ANKRA2: variants seen among roughly 807,000 people sequenced by gnomAD.
ANKRA2 encodes ankyrin repeat family A member 2, also known as ankyrin repeat family A protein 2.
A neutral mutation model predicts 37.8 loss-of-function variants in ANKRA2; 33 were observed. The observed-to-expected ratio is 0.87, with a 90% confidence interval of 0.66 to 1.17. The LOEUF (loss-of-function observed/expected upper bound fraction) is 1.17, where lower values mean the gene tolerates loss of function less well. Ranked by LOEUF, ANKRA2 falls within the 50% of genes most tolerant of loss-of-function variation. The pLI is 0.00. For missense variants in ANKRA2, 326 were observed against 373.7 expected (o/e 0.87, Z 1.05); for synonymous variants, 126 against 132.3 (o/e 0.95, Z 0.33).
In ANKRA2 at chr5:73,561,281, G is replaced by C. The variant is rs941117290; in HGVS notation, c.297C>G (p.Cys99Trp). Reference sequence around the variant, plus strand: ...CCGGAGAAGGAGATGTATGGATATTGCATTCAGCTAAGTGAAAAACAAATG... The same window carrying C: ...CCGGAGAAGGAGATGTATGGATATTCCATTCAGCTAAGTGAAAAACAAATG... ...EVASVLFKAE[C>W]NIHTSPSPGI... The change falls in exon 3 of 9, where the codon TGC becomes TGG. Residue 99 changes from cysteine (C) to tryptophan (W), a missense_variant. Cys to Trp is a radical substitution (Grantham distance 215). This residue lies in a region of ANKRA2 where 228 missense variants were observed against 260.2 expected (regional missense o/e 0.88). Coordinates refer to ENST00000296785, the MANE Select transcript of ANKRA2 (RefSeq NM_023039.5). The C allele has an allele frequency of 1.4e-5, 22 of 1,612,162 alleles. No homozygotes were observed. The highest frequency in any genetic ancestry group is 6.7e-5 in the Admixed American group (4 of 59,726).
At chr5:73,557,348 CTT>C in intron 4 of ANKRA2, 1 of 307,040 alleles carries the variant, frequency 3.3e-6, no homozygotes. Flanking sequence ...ATGTAAGAAA[CTT>C]ATAACGTTTG....
rs921816588 is a variant in ANKRA2 at position 73,561,071 on chromosome 5, T to G, written c.448+59A>C. On this transcript the variant is annotated intron_variant, in intron 3 of 8. Coordinates refer to ENST00000296785, the MANE Select transcript of ANKRA2 (RefSeq NM_023039.5). ...CATTTAATGAAATAATGTTTTAAAG[T>G]CAAACTCTTGAAAGTATTACATTAA... 39 of 1,481,868 alleles carry G rather than the reference T, an allele frequency of 2.6e-5. No homozygotes were observed. The African/African-American group carries it at 5.5e-4, about 21-fold the overall frequency. The allele number at this position is 1,481,868 out of a possible 1,614,324, so 91.8% of individuals were successfully genotyped here.
At chr5:73,561,061 T>C (rs2112020193) in intron 3 of ANKRA2, 69 bp downstream of exon 3, 2 of 1,414,264 alleles carry the variant, frequency 1.4e-6, no homozygotes, top group South Asian at 1.3e-5. Context: ...AATGAAATAA[T>C]GTTTTAAAGT....
intron 2 of ANKRA2, among the ~76,000 whole-genome samples, chr5:73,562,189 G>C (rs1007944557): frequency 6.6e-6 from 1 of 151,832 alleles, no homozygotes; most frequent in Non-Finnish European, 1.5e-5. Context: ...GCTAATTTTT[G>C]TATTTTTAGT....
In ANKRA2 at chr5:73,552,779, AT is replaced by A; in HGVS notation, c.*17del. The A allele has an allele frequency of 6.3e-7, 1 of 1,589,546 alleles. No individual in the cohort carries two copies. The highest frequency in any genetic ancestry group is 8.6e-7 in the Non-Finnish European group (1 of 1,160,692). ...CCAAGAAGTAAACAAAAGGGCAGAC[AT>A]TTTCTGATGACTGTGTCTACTCCTT... On this transcript the variant is annotated 3_prime_UTR_variant, in exon 9 of 9. Transcript: ENST00000296785.
intron 7 of ANKRA2, among the ~76,000 whole-genome samples, chr5:73,554,073 T>C (rs1447562216): frequency 3.3e-5 from 5 of 152,164 alleles, no homozygotes; most frequent in Non-Finnish European, 2.9e-5. Flanking sequence ...CCTGGCCACA[T>C]AGTGGATTCA....
At position 73,554,184 on chromosome 5, in the gene ANKRA2, T is replaced by C. The variant is rs1580375759; in HGVS notation, c.805+138A>G. 1.2e-5 allele frequency: 9 copies of C among 762,478 alleles called. No homozygotes were observed. In the South Asian group the frequency reaches 1.3e-4, roughly 11 times the overall value. 47.2% of individuals were successfully genotyped at this position (762,478 alleles called of 1,614,324 possible). A position where few individuals can be genotyped will look rare whatever the true frequency, so the allele number is the denominator to read the frequency against. On this transcript the variant is annotated intron_variant, in intron 7 of 8. Coordinates refer to ENST00000296785, the MANE Select transcript of ANKRA2 (RefSeq NM_023039.5). ...CACATGGGCAACTTTTGGTGGCAGGTGCTCTAAGGGTGAAGAGCAGCAAGA... is the reference window on the plus strand; with the variant it reads ...CACATGGGCAACTTTTGGTGGCAGGCGCTCTAAGGGTGAAGAGCAGCAAGA...
intron 1 of ANKRA2, among the ~76,000 whole-genome samples, chr5:73,564,423 T>C (rs1006192953): frequency 6.6e-6 from 1 of 152,218 alleles, no homozygotes; most frequent in Non-Finnish European, 1.5e-5. Flanking sequence ...AAAACTCCCC[T>C]AGGATGGGGA....
intron 8 of ANKRA2, 118 bp downstream of exon 8, chr5:73,553,288 T>C (rs929962991): frequency 3.0e-5 from 21 of 708,500 alleles, no homozygotes; most frequent in Non-Finnish European, 4.5e-5. Context: ...TAAAAGTATA[T>C]GTCAGGAGTT....
intron 6 of ANKRA2, 54 bp downstream of exon 6, chr5:73,554,806 CA>C (rs2112007485): frequency 6.3e-7 from 1 of 1,575,410 alleles, no homozygotes; most frequent in African/African-American, 1.4e-5. Context: ...TCTCCCAAAC[CA>C]AATAAATTCT....
At chr5:73,557,228 C>A (rs1490275534) in intron 4 of ANKRA2, among the ~76,000 whole-genome samples, 2 of 151,552 alleles carry the variant, frequency 1.3e-5, no homozygotes, top group East Asian at 3.9e-4. Flanking sequence ...CAGTGTAAAA[C>A]GGTGCAATGT....
intron 5 of ANKRA2, 180 bp from the exon 6 acceptor site, chr5:73,555,166 C>T: frequency 7.0e-7 from 1 of 1,419,296 alleles, no homozygotes; most frequent in Non-Finnish European, 9.2e-7. Flanking sequence ...GCCTTCCTTC[C>T]TCCGTCCTGT....
intron 3 of ANKRA2, among the ~76,000 whole-genome samples, chr5:73,559,153 G>C (rs1398808082): frequency 6.6e-6 from 1 of 152,162 alleles, no homozygotes; most frequent in African/African-American, 2.4e-5. Context: ...CTACAGGTGG[G>C]ATGAGAGTCC....
chr5:73,560,350 G>A (rs1231166150), intron 3 of ANKRA2, among the ~76,000 whole-genome samples: 1 of 151,694 alleles, frequency 6.6e-6, no homozygotes, highest in Non-Finnish European at 1.5e-5. Context: ...AAAATACAAT[G>A]CATTATTATT....
chr5:73,555,170 G>A (rs1041205305), intron 5 of ANKRA2, 184 bp from the exon 6 acceptor site: 13 of 1,413,590 alleles, frequency 9.2e-6, no homozygotes, highest in African/African-American at 7.2e-5. Flanking sequence ...TCCTTCCTCC[G>A]TCCTGTATCA....
chr5:73,553,283 GTA>G (rs1454866316), intron 8 of ANKRA2, 121 bp downstream of exon 8: 10 of 693,948 alleles, frequency 1.4e-5, no homozygotes, highest in Non-Finnish European at 2.3e-5. Flanking sequence ...AAAGTTAAAA[GTA>G]TATGTCAGGA....
rs768294997 is a variant in ANKRA2 at position 73,554,967 on chromosome 5, A to G, written c.632T>C (p.Leu211Ser). The G allele has an allele frequency of 3.1e-6, 5 of 1,613,436 alleles. No individual in the cohort carries two copies. The Admixed American group carries it at 8.3e-5, about 27-fold the overall frequency. ...CAGTGCACTTTCTCGACCTTTTCCT[A>G]AAAGTTGGGGATCAGCACCCTGGTA... is the stretch of plus-strand genomic sequence containing the variant. ...LLQNGADPQLLGKGRESALSL... is the reference protein window; with the variant it reads ...LLQNGADPQLSGKGRESALSL... Residue 211 changes from leucine to serine, a missense_variant, in exon 6 of 9, where the codon TTA becomes TCA. This residue lies in a region of ANKRA2 where 228 missense variants were observed against 260.2 expected (regional missense o/e 0.88). Transcript: ENST00000296785.
intron 3 of ANKRA2, among the ~76,000 whole-genome samples, chr5:73,559,378 T>G (rs965310191): frequency 6.6e-6 from 1 of 152,164 alleles, no homozygotes; most frequent in African/African-American, 2.4e-5. Context: ...TTATACTATA[T>G]AGAATATTTT....
rs1385171967 is a variant in ANKRA2 at position 73,562,683 on chromosome 5, G to A, written c.199C>T (p.Arg67Ter). The A allele has an allele frequency of 8.7e-6, 14 of 1,613,936 alleles. No individual in the cohort carries two copies. Among genetic ancestry groups the A allele is most frequent in the Middle Eastern group, 1.6e-4 (1 of 6,084 alleles). Residue 67 changes from arginine to a stop codon, truncating the protein, a stop_gained, in exon 2 of 9, where the codon CGA (arginine) becomes TGA (stop). Transcript: ENST00000296785. LOFTEE classifies it high-confidence loss of function. ...TCTTCATTTAAGGACTTCACAAATCGAGAACACACATTCATATCAAATCGG... is the reference window on the plus strand; with the variant it reads ...TCTTCATTTAAGGACTTCACAAATCAAGAACACACATTCATATCAAATCGG... ...PNRFDMNVCS[R>*]FVKSLNEEDS...
Sources: allele counts gnomAD v4.1 joint callset (sites outside exome capture counted in the v4.1 genomes callset), GRCh38; gene constraint gnomAD v4.1.1; regional missense constraint gnomAD v4.1.1; transcripts MANE v1.5; gene names NCBI Gene and HGNC (gene_info 2026-07-23, HGNC 2026-07-21).